Variants in DYM observed in about 807,000 individuals in gnomAD.
DYM encodes dyggve-Melchior-Clausen syndrome protein.
Under a neutral mutation model 93.1 loss-of-function variants are expected in DYM, and 78 were observed. The observed-to-expected ratio is 0.84, with a 90% CI of 0.70 to 1.01. The LOEUF (loss-of-function observed/expected upper bound fraction) is 1.01. DYM is among the 50% of genes least tolerant of loss of function. DYM has a pLI of 0.00. For missense variants in DYM, 789 were observed against 845.0 expected (o/e 0.93, Z 0.82); for synonymous variants, 321 against 319.7 (o/e 1.00, Z -0.04).
At position 49,169,499 on chromosome 18, in the gene DYM, T is replaced by G. The variant is rs1258531388; in HGVS notation, c.1626-5712A>C. Among the ~76,000 whole-genome samples the G allele has an allele frequency of 4.6e-5, 7 of 152,204 alleles. No individual in the cohort carries two copies. The South Asian group carries it at 1.0e-3, about 23-fold the overall frequency. Reference sequence around the variant, plus strand: ...AACTGCCTCATGTCTCTCTCAGACCTTGGACTTCATCCTGAAAGCCAGACG... The same window carrying G: ...AACTGCCTCATGTCTCTCTCAGACCGTGGACTTCATCCTGAAAGCCAGACG... On this transcript the variant is annotated intron_variant, in intron 14 of 17. Coordinates refer to ENST00000675505, the MANE Select transcript of DYM (RefSeq NM_001353214.3).
intron 17 of DYM, among the ~76,000 whole-genome samples, chr18:49,076,679 G>A (rs2077337853): frequency 6.6e-6 from 1 of 152,222 alleles, no homozygotes; most frequent in East Asian, 1.9e-4. Flanking sequence ...TAGAGAGGCT[G>A]TGGATGCCAC....
intron 14 of DYM, among the ~76,000 whole-genome samples, chr18:49,203,245 C>A (rs1232034478): frequency 1.8e-5 from 1 of 54,366 alleles, no homozygotes; most frequent in Non-Finnish European, 4.8e-5. Context: ...TCAGCCCCCC[C>A]TGCCCGGCCA....
intron 2 of DYM, among the ~76,000 whole-genome samples, chr18:49,393,481 G>A (rs1344380411): frequency 6.6e-6 from 1 of 152,074 alleles, no homozygotes; most frequent in Non-Finnish European, 1.5e-5. Context: ...TTAAGAAATA[G>A]GGAATTTTGA....
At chr18:49,180,267 G>A (rs1258325620) in intron 14 of DYM, among the ~76,000 whole-genome samples, 3 of 152,108 alleles carry the variant, frequency 2.0e-5, no homozygotes, top group Non-Finnish European at 4.4e-5. Flanking sequence ...TATTCAAAAT[G>A]AAGTTTAATT....
intron 14 of DYM, among the ~76,000 whole-genome samples, chr18:49,191,946 C>G (rs544626951): frequency 1.7e-4 from 26 of 152,056 alleles, no homozygotes; most frequent in African/African-American, 5.8e-4. Context: ...CATTCATTCA[C>G]TCATTTTGGA....
At chr18:49,087,631 C>T (rs1458628685) in intron 17 of DYM, among the ~76,000 whole-genome samples, 1 of 152,132 alleles carries the variant, frequency 6.6e-6, no homozygotes, top group Non-Finnish European at 1.5e-5. Flanking sequence ...TGGGTATATA[C>T]CCAGTAATGG....
intron 10 of DYM, among the ~76,000 whole-genome samples, chr18:49,274,404 T>C (rs1437185970): frequency 6.6e-6 from 1 of 152,126 alleles, no homozygotes; most frequent in Non-Finnish European, 1.5e-5. Flanking sequence ...TTGACTAGCA[T>C]TTGAACTGTT....
intron 15 of DYM, among the ~76,000 whole-genome samples, chr18:49,154,296 C>T (rs1488888049): frequency 1.3e-5 from 2 of 152,074 alleles, no homozygotes; most frequent in African/African-American, 4.8e-5. Context: ...TTAAAGTTAA[C>T]AGTAATGTAC....
intron 14 of DYM, among the ~76,000 whole-genome samples, chr18:49,197,818 A>G (rs1010589358): frequency 6.6e-6 from 1 of 152,146 alleles, no homozygotes; most frequent in African/African-American, 2.4e-5. Context: ...AGGTAATTTA[A>G]AGATTCAATG....
intron 1 of DYM, among the ~76,000 whole-genome samples, chr18:49,449,467 T>C (rs2082351271): frequency 6.6e-6 from 1 of 152,194 alleles, no homozygotes; most frequent in Non-Finnish European, 1.5e-5. Flanking sequence ...ATGGTGTTTT[T>C]CCTTCTTTCA....
chr18:49,271,220 CA>C (rs1274808554), intron 11 of DYM, among the ~76,000 whole-genome samples: 2 of 151,868 alleles, frequency 1.3e-5, no homozygotes, highest in Non-Finnish European at 2.9e-5. Flanking sequence ...TGTATTAGTA[CA>C]CAAATAAAAA....
chr18:49,427,051 T>G (rs2074364625), intron 2 of DYM, among the ~76,000 whole-genome samples: 1 of 152,188 alleles, frequency 6.6e-6, no homozygotes, highest in Non-Finnish European at 1.5e-5. Context: ...TACCATTTTG[T>G]AACCTCTTAT....
intron 17 of DYM, among the ~76,000 whole-genome samples, chr18:49,091,347 G>C (rs2079032594): frequency 6.6e-6 from 1 of 152,134 alleles, no homozygotes. Flanking sequence ...AGTAGGATTG[G>C]GGGGCTGGGA....
intron 2 of DYM, among the ~76,000 whole-genome samples, chr18:49,421,091 A>G (rs2073644990): frequency 6.6e-6 from 1 of 152,206 alleles, no homozygotes. Context: ...GCTGAACAAA[A>G]GGCAGCAGAA....
intron 14 of DYM, among the ~76,000 whole-genome samples, chr18:49,175,226 GT>G (rs1368071710): frequency 6.6e-6 from 1 of 152,120 alleles, no homozygotes; most frequent in Non-Finnish European, 1.5e-5. Flanking sequence ...GCACAACATG[GT>G]CTAAAATATG....
intron 2 of DYM, among the ~76,000 whole-genome samples, chr18:49,409,833 G>A (rs1014769192): frequency 6.6e-6 from 1 of 152,172 alleles, no homozygotes; most frequent in Non-Finnish European, 1.5e-5. Flanking sequence ...GGTCAGGCAG[G>A]CTACAGTTTG....
At chr18:49,313,197 G>A (rs1331430613) in intron 8 of DYM, among the ~76,000 whole-genome samples, 1 of 152,038 alleles carries the variant, frequency 6.6e-6, no homozygotes, top group Non-Finnish European at 1.5e-5. Flanking sequence ...CGGGCATGGT[G>A]GCTCATGCCT....
chr18:49,198,201 C>T (rs77993179), intron 14 of DYM, among the ~76,000 whole-genome samples: 89,280 of 151,882 alleles, frequency 0.59, 28,720 homozygotes, highest in Non-Finnish European at 0.74. Flanking sequence ...AAACTGGATC[C>T]CTTCCTTACA....
intron 8 of DYM, among the ~76,000 whole-genome samples, chr18:49,323,900 C>A (rs898340460): frequency 6.6e-6 from 1 of 152,040 alleles, no homozygotes; most frequent in African/African-American, 2.4e-5. Flanking sequence ...GTAATTCCAG[C>A]TCCAAGGCGG....
Sources: allele counts gnomAD v4.1 joint callset (sites outside exome capture counted in the v4.1 genomes callset), GRCh38; gene constraint gnomAD v4.1.1; transcripts MANE v1.5; gene names NCBI Gene and HGNC (gene_info 2026-07-23, HGNC 2026-07-21).